Variants in TMC7 observed in about 807,000 individuals in gnomAD.
TMC7 encodes the protein transmembrane channel like 7.
Under a neutral mutation model 82.9 loss-of-function variants are expected in TMC7, and 54 were observed. That is an observed-to-expected ratio of 0.65 (90% CI 0.52 to 0.82). The LOEUF (loss-of-function observed/expected upper bound fraction) is 0.82. Ranked by LOEUF, TMC7 falls within the 40% of genes least tolerant of loss-of-function variation. TMC7 has a pLI of 0.00. For missense variants in TMC7, 820 were observed against 901.2 expected, an observed-to-expected ratio of 0.91 and a Z score of 1.15; for synonymous variants, 350 against 337.9, an observed-to-expected ratio of 1.04 and a Z score of -0.39.
At chr16:19,030,659 A>G (rs1379757238) in intron 6 of TMC7, among the ~76,000 whole-genome samples, 1 of 151,048 alleles carries the variant, frequency 6.6e-6, no homozygotes, top group Non-Finnish European at 1.5e-5. Flanking sequence ...GCTCACTGCA[A>G]CCTCTGCCCC....
chr16:19,059,709 C>G (rs1337304110), intron 15 of TMC7: 1 of 1,521,674 alleles, frequency 6.6e-7, no homozygotes, highest in Admixed American at 2.0e-5. Context: ...GATGTGGTGG[C>G]TCATGCCTGT....
At chr16:18,998,487 G>A (rs1221730427) in intron 1 of TMC7, among the ~76,000 whole-genome samples, 1 of 151,830 alleles carries the variant, frequency 6.6e-6, no homozygotes, top group Non-Finnish European at 1.5e-5. Context: ...GGACGCGGTG[G>A]CTCACGCCTG....
chr16:18,987,094 C>T (rs1009736588), intron 1 of TMC7, among the ~76,000 whole-genome samples: 2 of 151,984 alleles, frequency 1.3e-5, no homozygotes, highest in Admixed American at 6.6e-5. Flanking sequence ...TGTGAGCCAC[C>T]GTACCCGGCC....
chr16:19,059,988 T>G, intron 15 of TMC7: 1 of 298,712 alleles, frequency 3.3e-6, no homozygotes, highest in Non-Finnish European at 6.5e-6. Flanking sequence ...AAAATAAAAA[T>G]AAAAAAAGAT....
chr16:19,045,037 T>A, intron 10 of TMC7, 36 bp downstream of exon 10: 1 of 1,493,542 alleles, frequency 6.7e-7, no homozygotes, highest in Non-Finnish European at 9.3e-7. Flanking sequence ...GCTGGGTGGG[T>A]CCTTCTGGAA....
intron 3 of TMC7, among the ~76,000 whole-genome samples, chr16:19,019,042 G>A (rs1959842873): frequency 6.6e-6 from 1 of 152,154 alleles, no homozygotes; most frequent in African/African-American, 2.4e-5. Flanking sequence ...TAGAGACAGG[G>A]TTTCACCATG....
At position 19,045,365 on chromosome 16, in the gene TMC7, G is replaced by C; in HGVS notation, c.1480G>C (p.Glu494Gln). 2 of 1,614,008 alleles carry C rather than the reference G, an allele frequency of 1.2e-6. No individual in the cohort carries two copies. Among genetic ancestry groups the C allele is most frequent in the Non-Finnish European group, 1.7e-6 (2 of 1,179,986 alleles). The change falls in exon 11 of 16, where the codon GAA becomes CAA. Residue 494 changes from glutamate (E) to glutamine (Q), a missense_variant. Physicochemically the swap from Glu to Gln is conservative, Grantham distance 29 (BLOSUM62 2). This residue lies in a region of TMC7 where 650 missense variants were observed against 669.9 expected (regional missense o/e 0.97). Transcript: ENST00000304381. ...GTGCTGGGAGACCCAAGTTGGGCAG[G>C]AAATGTACAAGCTGATGATCTTCGA... is the stretch of plus-strand genomic sequence containing the variant. ...YPCWETQVGQ[E>Q]MYKLMIFDFI...
chr16:18,989,520 C>T (rs12931747), intron 1 of TMC7, among the ~76,000 whole-genome samples: 36,570 of 129,782 alleles, frequency 0.28, 5,693 homozygotes, highest in African/African-American at 0.32. Context: ...ATTGTTTGGG[C>T]CTGGGGCCAC....
At position 19,046,903 on chromosome 16, in the gene TMC7, G is replaced by A. The variant is rs558797823; in HGVS notation, c.1554-160G>A. 3.3e-5 allele frequency among the ~76,000 whole-genome samples: 5 copies of A among 151,602 alleles called. No individual in the cohort carries two copies. In the South Asian group the frequency reaches 1.0e-3, roughly 32 times the overall value. On this transcript the variant is annotated intron_variant, in intron 11 of 15. Coordinates refer to ENST00000304381, the MANE Select transcript of TMC7 (RefSeq NM_024847.4). The stretch of plus-strand genomic sequence containing the variant: ...ACTATAGATCTGAGACTTGGAACCT[G>A]ATCTTAATGATTCCAGAGTTCATTA...
At chr16:18,985,627 T>A (rs2038831978) in intron 1 of TMC7, among the ~76,000 whole-genome samples, 1 of 152,276 alleles carries the variant, frequency 6.6e-6, no homozygotes, top group East Asian at 1.9e-4. Flanking sequence ...AGGGGACTTT[T>A]GGCATCTTTT....
chr16:19,023,539 T>C (rs8045260), intron 5 of TMC7, among the ~76,000 whole-genome samples: 140,512 of 152,224 alleles, frequency 0.92, 65,284 homozygotes, highest in Non-Finnish European at 0.97. Flanking sequence ...CTCTGCTTCC[T>C]AGGTTCAAGT....
At chr16:18,988,195 C>A (rs1361067692) in intron 1 of TMC7, among the ~76,000 whole-genome samples, 3 of 144,392 alleles carry the variant, frequency 2.1e-5, no homozygotes, top group Middle Eastern at 3.3e-3. Flanking sequence ...TGTTCTGTTG[C>A]CCAGGCTGGA....
chr16:19,013,885 G>A (rs1308049953), intron 2 of TMC7, among the ~76,000 whole-genome samples: 1 of 114,936 alleles, frequency 8.7e-6, no homozygotes, highest in African/African-American at 3.2e-5. Flanking sequence ...ATGGGGTCTC[G>A]CTCTATTGCC....
chr16:19,060,318 C>T (rs1961947276), intron 15 of TMC7, among the ~76,000 whole-genome samples: 1 of 152,126 alleles, frequency 6.6e-6, no homozygotes, highest in Non-Finnish European at 1.5e-5. Context: ...CATCCTCCCA[C>T]CTTAGCCTCC....
chr16:19,050,821 A>G (rs1482606903), intron 12 of TMC7, among the ~76,000 whole-genome samples: 1 of 152,032 alleles, frequency 6.6e-6, no homozygotes, highest in Admixed American at 6.6e-5. Context: ...TTAGGACTGT[A>G]TGGTATTTCA....
At chr16:19,028,687 G>A (rs571117525) in intron 5 of TMC7, among the ~76,000 whole-genome samples, 30 of 151,800 alleles carry the variant, frequency 2.0e-4, no homozygotes, top group Non-Finnish European at 3.5e-4. Flanking sequence ...ACAGAGTCTC[G>A]CTCTGTTGCC....
intron 1 of TMC7, among the ~76,000 whole-genome samples, chr16:18,987,364 G>T (rs1026761268): frequency 3.6e-4 from 55 of 152,186 alleles, no homozygotes; most frequent in African/African-American, 1.3e-3. Context: ...AGGCTGGAGT[G>T]CAGTAGCGCG....
At chr16:19,056,895 C>T (rs774631571) in intron 14 of TMC7, among the ~76,000 whole-genome samples, 198 bp downstream of exon 14, 2 of 151,916 alleles carry the variant, frequency 1.3e-5, no homozygotes, top group African/African-American at 4.8e-5. Context: ...GTGGCTGAGG[C>T]GGGCAGATCA....
intron 9 of TMC7, among the ~76,000 whole-genome samples, chr16:19,043,863 C>T (rs568567190): frequency 7.3e-5 from 11 of 151,516 alleles, no homozygotes; most frequent in East Asian, 5.9e-4. Flanking sequence ...TGAGCCACCG[C>T]GCCCGGCCTG....
Sources: allele counts gnomAD v4.1 joint callset (sites outside exome capture counted in the v4.1 genomes callset), GRCh38; gene constraint gnomAD v4.1.1; regional missense constraint gnomAD v4.1.1; transcripts MANE v1.5; gene names NCBI Gene and HGNC (gene_info 2026-07-23, HGNC 2026-07-21).